Variants in DOCK8 observed in about 807,000 individuals in gnomAD.
DOCK8 encodes the protein dedicator of cytokinesis 8.
In DOCK8, 141 loss-of-function variants were observed where a neutral mutation model predicts 245.6. That is an observed-to-expected ratio of 0.57 (90% confidence interval 0.50 to 0.66). DOCK8 has a LOEUF of 0.66. Ranked by LOEUF, DOCK8 falls within the 30% of genes least tolerant of loss-of-function variation. The pLI is 0.00. For missense variants in DOCK8, 2,965 were observed against 2,603.4 expected (o/e 1.14, Z -3.02); for synonymous variants, 1,168 against 970.2 (o/e 1.20, Z -3.79).
intron 14 of DOCK8, among the ~76,000 whole-genome samples, chr9:353,580 C>G (rs1472076180): frequency 6.6e-6 from 1 of 152,064 alleles, no homozygotes; most frequent in Non-Finnish European, 1.5e-5. Flanking sequence ...AAACTATTTG[C>G]AAAGCCTGGG....
At chr9:250,723 T>C (rs1216730929) in intron 1 of DOCK8, among the ~76,000 whole-genome samples, 2 of 152,202 alleles carry the variant, frequency 1.3e-5, no homozygotes, top group Non-Finnish European at 2.9e-5. Flanking sequence ...AGTATGTGTA[T>C]AATCCCAGGG....
intron 14 of DOCK8, among the ~76,000 whole-genome samples, chr9:342,176 A>G (rs1437630938): frequency 1.3e-5 from 2 of 152,072 alleles, no homozygotes; most frequent in Admixed American, 6.6e-5. Context: ...ACCCCAGTCC[A>G]TGGAAAAATT....
intron 37 of DOCK8, 96 bp from the exon 38 acceptor site, chr9:433,779 C>G: frequency 9.6e-7 from 1 of 1,036,660 alleles, no homozygotes; most frequent in Non-Finnish European, 1.5e-6. Flanking sequence ...TCTGATCCAA[C>G]CCTTCCCATG....
At chr9:215,577 T>C (rs2046731470) in intron 1 of DOCK8, 2 of 822,986 alleles carry the variant, frequency 2.4e-6, no homozygotes, top group Non-Finnish European at 3.4e-6. Context: ...TTTTATACCC[T>C]GGTCCAAAGG....
intron 1 of DOCK8, 70 bp from the exon 2 acceptor site, chr9:271,557 G>T: frequency 8.3e-7 from 1 of 1,207,320 alleles, no homozygotes; most frequent in Non-Finnish European, 1.2e-6. Context: ...TGATATCAAA[G>T]ATTGCATCTA....
chr9:331,213 A>G (rs981779627), intron 9 of DOCK8, among the ~76,000 whole-genome samples: 1 of 152,214 alleles, frequency 6.6e-6, no homozygotes, highest in Non-Finnish European at 1.5e-5. Context: ...GTACTCAACA[A>G]TAAGTAAACG....
chr9:388,549 G>A (rs1050824295), intron 23 of DOCK8, among the ~76,000 whole-genome samples: 18 of 151,050 alleles, frequency 1.2e-4, no homozygotes, highest in East Asian at 7.7e-4. Context: ...GGACTCTGTG[G>A]GTAATTTTTT....
chr9:406,870 C>G, intron 27 of DOCK8, 60 bp from the exon 28 acceptor site: 2 of 1,609,230 alleles, frequency 1.2e-6, no homozygotes, highest in Admixed American at 3.3e-5. Flanking sequence ...TAAACACTGG[C>G]CATCGCTATT....
chr9:224,586 G>A (rs2046952068), intron 1 of DOCK8, among the ~76,000 whole-genome samples: 1 of 152,118 alleles, frequency 6.6e-6, no homozygotes, highest in South Asian at 2.1e-4. Context: ...TCTTCTCACT[G>A]CCATACAGAG....
chr9:383,158 G>T (rs1452279420), intron 22 of DOCK8, among the ~76,000 whole-genome samples: 2 of 151,694 alleles, frequency 1.3e-5, no homozygotes, highest in Non-Finnish European at 2.9e-5. Context: ...CTAGCACTTT[G>T]GGAGGCCGAG....
At chr9:237,698 A>G (rs907776639) in intron 1 of DOCK8, among the ~76,000 whole-genome samples, 3 of 152,196 alleles carry the variant, frequency 2.0e-5, no homozygotes, top group African/African-American at 7.2e-5. Context: ...AGGCAAGGCC[A>G]CAGGAAGTGG....
chr9:442,030 C>A lies in DOCK8; in HGVS notation c.5490+21C>A, dbSNP rs1887958. ...TAGAGGTAAGAAAAGTGATTCTGTG[C>A]GCCTGACCTGGTACACTTTACAAAA... On this transcript the variant is annotated intron_variant, in intron 42 of 47. Coordinates refer to ENST00000432829, the MANE Select transcript of DOCK8 (RefSeq NM_203447.4). 3.6e-4 allele frequency: 579 copies of A among 1,613,096 alleles called. 3 individuals are homozygous for A. In the South Asian group the frequency reaches 4.8e-3, roughly 13 times the overall value.
At chr9:401,959 C>G (rs2055131861) in intron 26 of DOCK8, among the ~76,000 whole-genome samples, 1 of 152,174 alleles carries the variant, frequency 6.6e-6, no homozygotes, top group Non-Finnish European at 1.5e-5. Flanking sequence ...GTCCCAGGAC[C>G]CACCAGAATA....
intron 1 of DOCK8, among the ~76,000 whole-genome samples, chr9:269,245 A>T (rs759302968): frequency 3.3e-5 from 5 of 152,180 alleles, no homozygotes; most frequent in Non-Finnish European, 7.3e-5. Flanking sequence ...GGTGACCACA[A>T]ATCTACTTTC....
chr9:408,909 C>T (rs2055574176), intron 28 of DOCK8, among the ~76,000 whole-genome samples: 1 of 61,100 alleles, frequency 1.6e-5, no homozygotes, highest in African/African-American at 5.7e-5. Context: ...CGTGCACATG[C>T]ACACACACAG....
At chr9:454,079 A>C (rs912854938) in intron 46 of DOCK8, among the ~76,000 whole-genome samples, 1 of 152,270 alleles carries the variant, frequency 6.6e-6, no homozygotes, top group African/African-American at 2.4e-5. Flanking sequence ...TATAAAGATC[A>C]GAAAAGAGAA....
At chr9:268,535 C>T (rs1393706835) in intron 1 of DOCK8, among the ~76,000 whole-genome samples, 1 of 152,186 alleles carries the variant, frequency 6.6e-6, no homozygotes, top group Non-Finnish European at 1.5e-5. Context: ...CCTCTTTGAT[C>T]CTCTCACAGT....
intron 1 of DOCK8, among the ~76,000 whole-genome samples, chr9:243,286 C>A (rs1244347578): frequency 6.6e-6 from 1 of 152,124 alleles, no homozygotes; most frequent in Non-Finnish European, 1.5e-5. Flanking sequence ...TCGCGTCTAG[C>A]CCCTTAAAAC....
chr9:337,187 G>A (rs1016638747), intron 12 of DOCK8, among the ~76,000 whole-genome samples: 2 of 152,110 alleles, frequency 1.3e-5, no homozygotes, highest in Non-Finnish European at 2.9e-5. Flanking sequence ...CCACCATGGG[G>A]ACCAAGCTTC....
Sources: allele counts gnomAD v4.1 joint callset (sites outside exome capture counted in the v4.1 genomes callset), GRCh38; gene constraint gnomAD v4.1.1; transcripts MANE v1.5; gene names NCBI Gene and HGNC (gene_info 2026-07-23, HGNC 2026-07-21).